PHF21B: variants seen among roughly 807,000 people sequenced by gnomAD.
PHF21B encodes the protein PHD finger protein 21B.
PHF21B carries 22 observed loss-of-function variants against 62.2 expected under a neutral mutation model. The observed-to-expected ratio is 0.35, with a 90% confidence interval of 0.25 to 0.51. The LOEUF (loss-of-function observed/expected upper bound fraction) is 0.51. Among genes scored for constraint, PHF21B ranks in the 20% least tolerant of loss-of-function variants. The pLI, the probability that PHF21B is intolerant of heterozygous loss-of-function variation, is 0.97. For missense variants in PHF21B, 701 were observed against 707.9 expected (o/e 0.99, Z 0.11); for synonymous variants, 341 against 314.7 (o/e 1.08, Z -0.88).
At chr22:45,003,270 G>A (rs1274146888) in intron 2 of PHF21B, 1 of 152,320 alleles carries the variant, frequency 6.6e-6, no homozygotes, top group Non-Finnish European at 1.5e-5. Context: ...AGGCAGAGGG[G>A]AGCTCAGCAG....
chr22:44,963,858 A>G (rs764537163), intron 2 of PHF21B, among the ~76,000 whole-genome samples: 9 of 152,198 alleles, frequency 5.9e-5, no homozygotes, highest in African/African-American at 9.6e-5. Flanking sequence ...GCCACACAAG[A>G]CATTTCTTAA....
At chr22:44,993,125 T>C (rs1434261747) in intron 2 of PHF21B, among the ~76,000 whole-genome samples, 2 of 152,150 alleles carry the variant, frequency 1.3e-5, no homozygotes, top group East Asian at 3.9e-4. Flanking sequence ...CACATCCATG[T>C]GCGGCATCTC....
chr22:44,929,453 C>T (rs1008986233), intron 2 of PHF21B, among the ~76,000 whole-genome samples: 1 of 152,242 alleles, frequency 6.6e-6, no homozygotes, highest in African/African-American at 2.4e-5. Context: ...CAGGCAAATT[C>T]CACTTGCTCT....
At chr22:44,981,178 G>C (rs1259414760) in intron 2 of PHF21B, among the ~76,000 whole-genome samples, 1 of 152,164 alleles carries the variant, frequency 6.6e-6, no homozygotes, top group African/African-American at 2.4e-5. Flanking sequence ...GGAGAAAGAG[G>C]GAGACAGAGG....
At chr22:44,913,714 G>A (rs1345927804) in intron 5 of PHF21B, 108 bp downstream of exon 5, 1 of 1,420,814 alleles carries the variant, frequency 7.0e-7, no homozygotes, top group Admixed American at 2.7e-5. Context: ...TGTGCCCACG[G>A]CTTGTCGGGA....
chr22:44,943,525 C>T (rs4823423), intron 2 of PHF21B, among the ~76,000 whole-genome samples: 8,246 of 152,262 alleles, frequency 0.054, 308 homozygotes, highest in Non-Finnish European at 0.081. Flanking sequence ...GCTACATCTC[C>T]GTCTCCTCGT....
Position 44,920,410 on chromosome 22 carries a change from T to G in PHF21B, c.201A>C (p.Ala67=), listed in dbSNP as rs2071513963. 2 of 1,610,906 alleles carry G rather than the reference T, an allele frequency of 1.2e-6. No individual in the cohort carries two copies. Among genetic ancestry groups the G allele is most frequent in the African/African-American group, 2.7e-5 (2 of 74,870 alleles). Residue 67 remains alanine (A), a synonymous_variant, in exon 3 of 13, where the codon GCA becomes GCC. Coordinates refer to ENST00000313237, the MANE Select transcript of PHF21B (RefSeq NM_138415.5). ...GAGGGCTGCTTACCTGAGGTAGCACTGCCGCTCCTTGCCCGGCCAACCTCT... is the reference window on the plus strand; with the variant it reads ...GAGGGCTGCTTACCTGAGGTAGCACGGCCGCTCCTTGCCCGGCCAACCTCT... ...SLQRLAGQGA[A]VLPQVRPKTL... is the part of the protein sequence containing the mutation.
Position 44,895,875 on chromosome 22 carries a change from G to C in PHF21B, c.883+157C>G, listed in dbSNP as rs772130890. Among the ~76,000 whole-genome samples, 7 of 152,142 alleles carry C rather than the reference G, an allele frequency of 4.6e-5. No homozygotes were observed. In the East Asian group the frequency reaches 1.2e-3, roughly 25 times the overall value. ...ATACACAGACACTGCCATCCGAGCC[G>C]GGACATCCTGAGACCCACTGCAGCA... On this transcript the variant is annotated intron_variant, in intron 6 of 12. Transcript: ENST00000313237.
rs1210833242 is a variant in PHF21B at position 44,972,429 on chromosome 22, C to T, written c.120+36116G>A. Among the ~76,000 whole-genome samples the T allele has an allele frequency of 2.6e-5, 4 of 152,276 alleles. No individual in the cohort carries two copies. The East Asian group carries it at 5.8e-4, about 22-fold the overall frequency. On this transcript the variant is annotated intron_variant, in intron 2 of 12. Coordinates refer to ENST00000313237, the MANE Select transcript of PHF21B (RefSeq NM_138415.5). Reference sequence around the variant, plus strand: ...AAAGAAGCTTGAAACCAAGTGTTGGCGGACGCTGCTGCTCAGTGGAACGAG... The same window carrying T: ...AAAGAAGCTTGAAACCAAGTGTTGGTGGACGCTGCTGCTCAGTGGAACGAG...
intron 2 of PHF21B, among the ~76,000 whole-genome samples, chr22:44,976,755 T>C (rs903343010): frequency 6.6e-6 from 1 of 152,232 alleles, no homozygotes. Flanking sequence ...ACAGATGTTT[T>C]ATTAAGTACT....
At chr22:44,950,560 G>C (rs2072172458) in intron 2 of PHF21B, among the ~76,000 whole-genome samples, 1 of 151,844 alleles carries the variant, frequency 6.6e-6, no homozygotes, top group Admixed American at 6.6e-5. Context: ...CATTGCTTCT[G>C]TTCTTCGTGT....
chr22:44,986,467 G>A (rs1388491654), intron 2 of PHF21B, among the ~76,000 whole-genome samples: 3 of 149,656 alleles, frequency 2.0e-5, no homozygotes, highest in Non-Finnish European at 4.4e-5. Flanking sequence ...CCTTTCTTGA[G>A]GGTAAGGAGA....
intron 2 of PHF21B, among the ~76,000 whole-genome samples, chr22:45,000,094 G>T (rs761674): frequency 0.19 from 28,967 of 151,970 alleles, 3,939 homozygotes; most frequent in East Asian, 0.75. Flanking sequence ...GCCCCAAGCG[G>T]AAGGAGCCGG....
At chr22:44,917,453 A>C (rs2071458371) in intron 3 of PHF21B, among the ~76,000 whole-genome samples, 1 of 152,146 alleles carries the variant, frequency 6.6e-6, no homozygotes, top group African/African-American at 2.4e-5. Flanking sequence ...CCATGCATGG[A>C]ACCAGGAGCG....
chr22:44,934,824 G>A (rs1419643263), intron 2 of PHF21B, among the ~76,000 whole-genome samples: 4 of 152,160 alleles, frequency 2.6e-5, no homozygotes, highest in African/African-American at 7.2e-5. Context: ...GCCTGTCCCT[G>A]TCTGGTCCTC....
At chr22:44,918,733 G>A (rs2071483520) in intron 3 of PHF21B, among the ~76,000 whole-genome samples, 1 of 152,232 alleles carries the variant, frequency 6.6e-6, no homozygotes, top group East Asian at 1.9e-4. Context: ...GACTTTTGTG[G>A]GGCAGAGACA....
At chr22:45,007,103 C>T (rs1217419574) in intron 2 of PHF21B, among the ~76,000 whole-genome samples, 1 of 150,526 alleles carries the variant, frequency 6.6e-6, no homozygotes, top group Non-Finnish European at 1.5e-5. Flanking sequence ...CGGCCGGGGG[C>T]GGGGGGGCCG....
chr22:44,895,247 T>A (rs1180250480), intron 6 of PHF21B, among the ~76,000 whole-genome samples: 3 of 152,040 alleles, frequency 2.0e-5, no homozygotes, highest in African/African-American at 7.3e-5. Flanking sequence ...AGCTTCCCCA[T>A]GGGGGCTTCC....
At chr22:44,958,598 ATTTT>A (rs59943293) in intron 2 of PHF21B, among the ~76,000 whole-genome samples, 6 of 75,900 alleles carry the variant, frequency 7.9e-5, no homozygotes, top group East Asian at 4.8e-4. Context: ...CCTTCCTTTG[ATTTT>A]TTTTTTTTTT....
Sources: allele counts gnomAD v4.1 joint callset (sites outside exome capture counted in the v4.1 genomes callset), GRCh38; gene constraint gnomAD v4.1.1; transcripts MANE v1.5; gene names NCBI Gene and HGNC (gene_info 2026-07-23, HGNC 2026-07-21).